Variants in WDR70 observed in about 807,000 individuals in gnomAD.
The protein encoded by WDR70 is WD repeat-containing protein 70.
Under a neutral mutation model 88.6 loss-of-function variants are expected in WDR70, and 53 were observed. The ratio of observed to expected loss-of-function variants is 0.60; its 90% confidence interval spans 0.48 to 0.75. The LOEUF is 0.75. Among genes scored for constraint, WDR70 ranks in the 30% least tolerant of loss-of-function variants. The pLI is 0.00. For missense variants in WDR70, 610 were observed against 823.2 expected (o/e 0.74, Z 3.17); for synonymous variants, 280 against 270.0 (o/e 1.04, Z -0.36).
intron 10 of WDR70, among the ~76,000 whole-genome samples, chr5:37,643,121 A>G (rs1488861692): frequency 6.6e-6 from 1 of 151,982 alleles, no homozygotes; most frequent in Non-Finnish European, 1.5e-5. Flanking sequence ...ATAATTTGAG[A>G]TCTTAGACTT....
chr5:37,492,094 A>G (rs1488155327), intron 8 of WDR70, among the ~76,000 whole-genome samples: 1 of 152,190 alleles, frequency 6.6e-6, no homozygotes, highest in Non-Finnish European at 1.5e-5. Context: ...AGAAATTAAG[A>G]TTTGGTACTC....
Position 37,752,611 on chromosome 5 carries a change from G to T in WDR70, c.*38G>T. On this transcript the variant is annotated 3_prime_UTR_variant, in exon 18 of 18. Coordinates refer to ENST00000265107, the MANE Select transcript of WDR70 (RefSeq NM_018034.4). Reference sequence around the variant, plus strand: ...GAGAGCTGTTTGCATGAGTGGGAGGGGTATGGGACAGGTTTGGGTTTTTTT... The same window carrying T: ...GAGAGCTGTTTGCATGAGTGGGAGGTGTATGGGACAGGTTTGGGTTTTTTT... The T allele has an allele frequency of 6.8e-7, 1 of 1,466,820 alleles. No individual in the cohort carries two copies. The highest frequency in any genetic ancestry group is 9.4e-7 in the Non-Finnish European group (1 of 1,063,062). 90.9% of individuals were successfully genotyped at this position (1,466,820 alleles called of 1,614,324 possible).
At chr5:37,671,462 A>G (rs555065406) in intron 10 of WDR70, among the ~76,000 whole-genome samples, 2 of 152,282 alleles carry the variant, frequency 1.3e-5, no homozygotes, top group African/African-American at 4.8e-5. Flanking sequence ...AAGATTAATA[A>G]ACTGAAAACT....
chr5:37,490,690 G>A (rs949059512), intron 8 of WDR70, among the ~76,000 whole-genome samples: 3 of 152,102 alleles, frequency 2.0e-5, no homozygotes, highest in African/African-American at 7.2e-5. Context: ...TTGTTGCCGG[G>A]GGTAGGTGGG....
At chr5:37,642,989 C>G (rs552269611) in intron 10 of WDR70, among the ~76,000 whole-genome samples, 9 of 152,022 alleles carry the variant, frequency 5.9e-5, no homozygotes, top group African/African-American at 2.2e-4. Flanking sequence ...AGATTTTTAC[C>G]TTCATAAGAT....
intron 9 of WDR70, among the ~76,000 whole-genome samples, chr5:37,538,085 A>C (rs1048082889): frequency 2.6e-5 from 4 of 152,180 alleles, no homozygotes; most frequent in African/African-American, 9.7e-5. Context: ...GAGAAACATC[A>C]ACTGCACGTT....
At chr5:37,429,042 C>T (rs1262361882) in intron 5 of WDR70, among the ~76,000 whole-genome samples, 2 of 152,146 alleles carry the variant, frequency 1.3e-5, no homozygotes, top group South Asian at 4.1e-4. Context: ...ACTGTGTTGC[C>T]TAGGCTGGAC....
intron 9 of WDR70, among the ~76,000 whole-genome samples, chr5:37,561,328 C>G (rs1009535792): frequency 2.0e-5 from 3 of 152,050 alleles, no homozygotes; most frequent in African/African-American, 7.2e-5. Flanking sequence ...TATAGAAAAC[C>G]GAGGGATAAG....
At chr5:37,415,341 C>T (rs62360217) in intron 5 of WDR70, among the ~76,000 whole-genome samples, 1 of 132,706 alleles carries the variant, frequency 7.5e-6, no homozygotes, top group South Asian at 2.5e-4. Context: ...GGGCTCCTCA[C>T]TTCCCAGTAG....
At chr5:37,595,186 G>C (rs565737718) in intron 9 of WDR70, among the ~76,000 whole-genome samples, 1 of 152,288 alleles carries the variant, frequency 6.6e-6, no homozygotes, top group East Asian at 1.9e-4. Context: ...TGTTGAATAG[G>C]AGTGGTGAGA....
At chr5:37,483,109 T>G (rs1739725761) in intron 8 of WDR70, among the ~76,000 whole-genome samples, 1 of 151,130 alleles carries the variant, frequency 6.6e-6, no homozygotes, top group Non-Finnish European at 1.5e-5. Flanking sequence ...CAGTTTTTTT[T>G]TTTTTTTTTT....
chr5:37,570,345 A>G (rs1355139515), intron 9 of WDR70, among the ~76,000 whole-genome samples: 1 of 152,050 alleles, frequency 6.6e-6, no homozygotes, highest in African/African-American at 2.4e-5. Context: ...AGACAATGTA[A>G]TTTTCAAAGT....
intron 17 of WDR70, among the ~76,000 whole-genome samples, chr5:37,732,297 A>G (rs1390423254): frequency 1.3e-5 from 2 of 152,108 alleles, no homozygotes; most frequent in African/African-American, 2.4e-5. Flanking sequence ...TTTGTTTTTT[A>G]CTTAGTATAC....
chr5:37,601,706 T>C (rs1743888806), intron 9 of WDR70, among the ~76,000 whole-genome samples: 1 of 152,180 alleles, frequency 6.6e-6, no homozygotes, highest in Non-Finnish European at 1.5e-5. Flanking sequence ...TTACTTGTTA[T>C]TGGTCTGGTC....
intron 9 of WDR70, among the ~76,000 whole-genome samples, chr5:37,518,941 C>G (rs889323630): frequency 6.6e-6 from 1 of 152,026 alleles, no homozygotes; most frequent in Non-Finnish European, 1.5e-5. Flanking sequence ...ATATCTTGCA[C>G]CACCCTTAAT....
intron 13 of WDR70, among the ~76,000 whole-genome samples, chr5:37,718,375 A>T (rs916800309): frequency 1.3e-5 from 2 of 152,150 alleles, no homozygotes; most frequent in Non-Finnish European, 2.9e-5. Flanking sequence ...TCAGGCCTAC[A>T]TTGTGGATCT....
intron 17 of WDR70, among the ~76,000 whole-genome samples, chr5:37,742,428 T>C (rs1748511715): frequency 6.6e-6 from 1 of 152,108 alleles, no homozygotes; most frequent in South Asian, 2.1e-4. Context: ...TCTTTGCCCA[T>C]TTAAAAAATT....
Position 37,680,056 on chromosome 5 carries a change from C to T in WDR70, c.1093-17599C>T, listed in dbSNP as rs186668226. ...TTTTTCTCCACAACCTTGCCAGCAT[C>T]GGCTGTTTTTTGACTTTTTAATTAT... On this transcript the variant is annotated intron_variant, in intron 10 of 17. Coordinates refer to ENST00000265107, the MANE Select transcript of WDR70 (RefSeq NM_018034.4). 4.6e-5 allele frequency among the ~76,000 whole-genome samples: 7 copies of T among 152,268 alleles called. No individual in the cohort carries two copies. In the East Asian group the frequency reaches 5.8e-4, roughly 13 times the overall value.
intron 10 of WDR70, among the ~76,000 whole-genome samples, chr5:37,648,122 G>A (rs1304487720): frequency 6.6e-6 from 1 of 152,160 alleles, no homozygotes; most frequent in Non-Finnish European, 1.5e-5. Context: ...TTCTTTATCT[G>A]TGTTGGGAAG....
Sources: gnomAD v4.1 joint callset for allele counts (sites outside exome capture counted in the v4.1 genomes callset) on GRCh38, gnomAD v4.1.1 for gene constraint, MANE v1.5 for transcripts, NCBI Gene and HGNC (gene_info 2026-07-23, HGNC 2026-07-21) for gene names.